Variants in C12orf76 observed in about 807,000 individuals in gnomAD.
The protein encoded by C12orf76 is uncharacterized protein C12orf76.
Under a neutral mutation model 6.8 loss-of-function variants are expected in C12orf76, and 6 were observed. That is an observed-to-expected ratio of 0.88 (90% CI 0.48 to 1.73). The LOEUF (loss-of-function observed/expected upper bound fraction) is 1.73. Among genes scored for constraint, C12orf76 ranks in the 40% most tolerant of loss-of-function variants. The pLI is 0.01. For synonymous variants in C12orf76, 56 were observed against 43.7 expected, an observed-to-expected ratio of 1.28 and a Z score of -1.11; for missense variants, 99 against 98.2, an observed-to-expected ratio of 1.01 and a Z score of -0.03.
At chr12:110,072,784 T>C (rs1362454880) in intron 1 of C12orf76, among the ~76,000 whole-genome samples, 3 of 151,690 alleles carry the variant, frequency 2.0e-5, no homozygotes, top group Admixed American at 6.6e-5. Flanking sequence ...TTAGCTGGGC[T>C]TGGTGGCAGG....
chr12:110,061,083 CAAAA>C (rs34382276), intron 2 of C12orf76, among the ~76,000 whole-genome samples: 3 of 84,278 alleles, frequency 3.6e-5, no homozygotes, highest in East Asian at 3.9e-4. Context: ...GACTCTGACT[CAAAA>C]AAAAAAAAAA....
At chr12:110,055,199 A>C (rs1566075931) in intron 4 of C12orf76, among the ~76,000 whole-genome samples, 1 of 151,682 alleles carries the variant, frequency 6.6e-6, no homozygotes, top group East Asian at 1.9e-4. Context: ...CCTAATCAGC[A>C]TATATGAGAC....
upstream of C12orf76, chr12:110,050,638 G>A (rs1593245381): frequency 3.0e-5 from 7 of 233,078 alleles, no homozygotes; most frequent in South Asian, 4.9e-4. Context: ...GTAATGTCAG[G>A]AAGTTACCCT....
upstream of C12orf76, chr12:110,050,744 G>A (rs115078430): frequency 5.5e-3 from 2,849 of 513,468 alleles, 49 homozygotes; most frequent in African/African-American, 0.035. Flanking sequence ...AGCCCTCGGG[G>A]GCTACTCTGT....
At chr12:110,063,730 C>A (rs560422965) in intron 2 of C12orf76, among the ~76,000 whole-genome samples, 1 of 150,818 alleles carries the variant, frequency 6.6e-6, no homozygotes, top group East Asian at 1.9e-4. Flanking sequence ...CAGGTTCAAG[C>A]GATTCTCCAG....
rs1002171969 is a variant in C12orf76, at chr12:110,067,555, G to A, written n.141C>T. ...CTTCCTTCCTAAGGAAAATCCACTGGATGTGGTTCAGTAGGGCTCACACTG... is the reference window on the plus strand; with the variant it reads ...CTTCCTTCCTAAGGAAAATCCACTGAATGTGGTTCAGTAGGGCTCACACTG... On this transcript the variant is annotated non_coding_transcript_exon_variant, in exon 1 of 5. Coordinates refer to the C12orf76 transcript ENST00000309050. 1.2e-5 allele frequency: 12 copies of A among 985,326 alleles called. No individual in the cohort carries two copies. In the African/African-American group the frequency reaches 2.1e-4, roughly 17 times the overall value. The allele number at this position is 985,326 out of a possible 1,614,324, so 61.0% of individuals were successfully genotyped here.
chr12:110,055,735 G>A (rs1055018336), intron 4 of C12orf76, among the ~76,000 whole-genome samples: 3 of 152,126 alleles, frequency 2.0e-5, no homozygotes, highest in Non-Finnish European at 4.4e-5. Flanking sequence ...AAGCCAGTGT[G>A]CCAGGAGTGC....
chr12:110,051,451 G>A (rs906719980), upstream of C12orf76, among the ~76,000 whole-genome samples: 9 of 151,620 alleles, frequency 5.9e-5, no homozygotes, highest in Non-Finnish European at 1.3e-4. Context: ...TTTTTAAATG[G>A]AGTCTTGCTC....
At chr12:110,068,257 AAGAAGAAGAAGAAG>A (rs1390245046), upstream of C12orf76, among the ~76,000 whole-genome samples, 48 of 64,436 alleles carry the variant, frequency 7.4e-4, no homozygotes, top group African/African-American at 2.9e-3. Context: ...AAAGAAGAAG[AAGAAGAAGAAGAAG>A]AAGAAGAAGA....
chr12:110,051,846 G>C (rs1300874633), upstream of C12orf76, among the ~76,000 whole-genome samples: 1 of 151,542 alleles, frequency 6.6e-6, no homozygotes, highest in Non-Finnish European at 1.5e-5. Context: ...GGCTGTGTCT[G>C]GTGCATTTCC....
intron 1 of C12orf76, among the ~76,000 whole-genome samples, chr12:110,066,367 TAAAAAAAAAAAAAAAAAAAAAAA>T (rs71079598): frequency 3.3e-4 from 5 of 15,334 alleles, no homozygotes; most frequent in East Asian, 6.3e-3. Context: ...AGACTCCATC[TAAAAAAAAAAAAAAAAAAAAAAA>T]AAAAAAAAAA....
chr12:110,057,017 G>T, intron 4 of C12orf76: 1 of 606,790 alleles, frequency 1.6e-6, no homozygotes, highest in Non-Finnish European at 3.0e-6. Context: ...TCTGGATGAG[G>T]AGGAGCCCTG....
upstream of C12orf76, among the ~76,000 whole-genome samples, chr12:110,069,024 T>C (rs549583031): frequency 4.1e-4 from 63 of 152,314 alleles, no homozygotes; most frequent in Non-Finnish European, 2.9e-5. Flanking sequence ...AGATAGTCCA[T>C]TAACAAAGAG....
At chr12:110,070,345 C>T (rs150604333), upstream of C12orf76, among the ~76,000 whole-genome samples, 3 of 152,242 alleles carry the variant, frequency 2.0e-5, no homozygotes, top group African/African-American at 7.2e-5. Context: ...AGGAGGATTG[C>T]CTGAGGCCAG....
chr12:110,059,057 C>T, exon 3 of C12orf76: 1 of 1,551,722 alleles, frequency 6.4e-7, no homozygotes, highest in Non-Finnish European at 8.7e-7. Flanking sequence ...ACATGGTAAA[C>T]AGCAGCGCCA....
chr12:110,053,238 C>T (rs148608605), upstream of C12orf76, among the ~76,000 whole-genome samples: 2 of 151,824 alleles, frequency 1.3e-5, no homozygotes, highest in East Asian at 1.9e-4. Context: ...GTGGCTCACG[C>T]CTGTAATCCC....
chr12:110,042,188 G>A lies in C12orf76; in HGVS notation c.*186C>T. 5.1e-6 allele frequency: 3 copies of A among 591,348 alleles called. No homozygotes were observed. Among genetic ancestry groups the A allele is most frequent in the Non-Finnish European group, 9.1e-6 (3 of 329,626 alleles). The allele number at this position is 591,348 out of a possible 1,614,324, so 36.6% of individuals were successfully genotyped here. Reference sequence around the variant, plus strand: ...AAGCGGACTCAGGGGCCAATTATTTGCGCTACAGTGTTAGGAAAAAATAAT... The same window carrying A: ...AAGCGGACTCAGGGGCCAATTATTTACGCTACAGTGTTAGGAAAAAATAAT... On this transcript the variant is annotated 3_prime_UTR_variant, in exon 2 of 2. Transcript: ENST00000615315.
At chr12:110,053,046 G>A (rs1251542589), upstream of C12orf76, among the ~76,000 whole-genome samples, 2 of 151,374 alleles carry the variant, frequency 1.3e-5, no homozygotes, top group Admixed American at 1.3e-4. Flanking sequence ...ACTAAAAATA[G>A]GAAAATTACC....
intron 2 of C12orf76, among the ~76,000 whole-genome samples, chr12:110,063,315 C>T (rs1892806076): frequency 6.6e-6 from 1 of 151,932 alleles, no homozygotes; most frequent in African/African-American, 2.4e-5. Context: ...CGAAGTTTTG[C>T]TCTCATCACC....
Sources: allele counts gnomAD v4.1 joint callset (sites outside exome capture counted in the v4.1 genomes callset), GRCh38; gene constraint gnomAD v4.1.1; transcripts MANE v1.5; gene names NCBI Gene and HGNC (gene_info 2026-07-23, HGNC 2026-07-21).